C10orf67: variants seen among roughly 807,000 people sequenced by gnomAD.
The protein encoded by C10orf67 is uncharacterized protein C10orf67, mitochondrial.
C10orf67 carries 60 observed loss-of-function variants against 35.6 expected under a neutral mutation model. The ratio of observed to expected loss-of-function variants is 1.68; its 90% CI spans 1.37 to 2.09. The LOEUF (loss-of-function observed/expected upper bound fraction) is 2.09. Among genes scored for constraint, C10orf67 ranks in the 30% most tolerant of loss-of-function variants. C10orf67 has a pLI of 0.00. For synonymous variants in C10orf67, 167 were observed against 115.8 expected, an observed-to-expected ratio of 1.44 and a Z score of -2.84; for missense variants, 474 against 330.2, an observed-to-expected ratio of 1.44 and a Z score of -3.38.
intron 7 of C10orf67, among the ~76,000 whole-genome samples, chr10:23,288,928 T>A (rs746833408): frequency 6.6e-6 from 1 of 152,186 alleles, no homozygotes; most frequent in Non-Finnish European, 1.5e-5. Context: ...GCCTCAGGCA[T>A]CGTGCTCCCC....
chr10:23,314,439 T>C (rs898072163), intron 4 of C10orf67, among the ~76,000 whole-genome samples: 2 of 149,678 alleles, frequency 1.3e-5, no homozygotes, highest in Non-Finnish European at 3.0e-5. Flanking sequence ...CTGGGCAACA[T>C]AGTGAGACTC....
At chr10:23,322,238 GAC>G (rs1162722036) in intron 3 of C10orf67, among the ~76,000 whole-genome samples, 154 bp downstream of exon 3, 5 of 142,006 alleles carry the variant, frequency 3.5e-5, no homozygotes, top group African/African-American at 1.4e-4. Context: ...ACAAGTCCCT[GAC>G]ACATAGTGAA....
chr10:23,330,876 C>T (rs1343798960), intron 2 of C10orf67, among the ~76,000 whole-genome samples: 1 of 152,000 alleles, frequency 6.6e-6, no homozygotes, highest in African/African-American at 2.4e-5. Context: ...TATATTGTTT[C>T]AACCTCACGG....
At chr10:23,338,799 A>G (rs563585439) in intron 1 of C10orf67, among the ~76,000 whole-genome samples, 1 of 152,188 alleles carries the variant, frequency 6.6e-6, no homozygotes, top group Non-Finnish European at 1.5e-5. Flanking sequence ...ACTTGAGCCC[A>G]GGAGTTCAGG....
At chr10:23,342,732 G>A (rs904914650) in intron 1 of C10orf67, among the ~76,000 whole-genome samples, 1 of 152,184 alleles carries the variant, frequency 6.6e-6, no homozygotes, top group East Asian at 1.9e-4. Flanking sequence ...ACCAGGTCCC[G>A]TGCACCCTGA....
chr10:23,322,019 T>A (rs776876213), intron 3 of C10orf67, among the ~76,000 whole-genome samples: 10 of 152,128 alleles, frequency 6.6e-5, no homozygotes, highest in Admixed American at 3.3e-4. Context: ...AACTCCCAGC[T>A]TCAAGCCAGC....
At chr10:23,239,865 TA>T in intron 12 of C10orf67, 49 bp from the exon 13 acceptor site, 1 of 565,372 alleles carries the variant, frequency 1.8e-6, no homozygotes, top group South Asian at 2.5e-5. Flanking sequence ...AATCATAGCA[TA>T]AAGCAAATAA....
At chr10:23,241,723 G>C (rs527466536) in intron 12 of C10orf67, among the ~76,000 whole-genome samples, 1 of 152,130 alleles carries the variant, frequency 6.6e-6, no homozygotes, top group South Asian at 2.1e-4. Context: ...GAATGAAGCA[G>C]AAATAATACA....
At chr10:23,272,208 T>G (rs925491852) in intron 8 of C10orf67, among the ~76,000 whole-genome samples, 8 of 152,236 alleles carry the variant, frequency 5.3e-5, no homozygotes. Flanking sequence ...TGAGCCACCA[T>G]GCCTGGCTAA....
At chr10:23,338,884 T>C (rs1037111779) in intron 1 of C10orf67, among the ~76,000 whole-genome samples, 1 of 152,166 alleles carries the variant, frequency 6.6e-6, no homozygotes, top group Non-Finnish European at 1.5e-5. Context: ...TAGCTGGGCA[T>C]GGTGGCACAC....
chr10:23,209,619 A>C (rs1841253256), intron 15 of C10orf67, among the ~76,000 whole-genome samples: 1 of 152,192 alleles, frequency 6.6e-6, no homozygotes, highest in African/African-American at 2.4e-5. Context: ...AATGATAAAT[A>C]TGCCAGTTAG....
chr10:23,265,034 G>A (rs1221265216), intron 10 of C10orf67, among the ~76,000 whole-genome samples: 2 of 152,222 alleles, frequency 1.3e-5, no homozygotes, highest in African/African-American at 2.4e-5. Flanking sequence ...CGTAGTCACT[G>A]GTCATTTCTA....
At chr10:23,224,134 G>A (rs1376435002) in intron 13 of C10orf67, among the ~76,000 whole-genome samples, 2 of 152,160 alleles carry the variant, frequency 1.3e-5, no homozygotes, top group Non-Finnish European at 2.9e-5. Flanking sequence ...AATTAGCCAG[G>A]GGCAGACTGA....
At chr10:23,270,544 G>A (rs554582129) in intron 8 of C10orf67, among the ~76,000 whole-genome samples, 20 of 152,316 alleles carry the variant, frequency 1.3e-4, no homozygotes, top group Admixed American at 2.6e-4. Flanking sequence ...TACCTTCCCC[G>A]GGGAAGGGGA....
At chr10:23,279,857 T>C (rs1372537937) in intron 8 of C10orf67, among the ~76,000 whole-genome samples, 1 of 151,866 alleles carries the variant, frequency 6.6e-6, no homozygotes. Context: ...AATATTTATC[T>C]ATTTTTTTAA....
chr10:23,342,253 TACTC>T (rs1482952072), intron 1 of C10orf67, among the ~76,000 whole-genome samples: 4 of 143,394 alleles, frequency 2.8e-5, no homozygotes, highest in East Asian at 5.5e-4. Flanking sequence ...CTCACACACT[TACTC>T]ACTTTCCTCT....
At chr10:23,335,528 C>T (rs1287428057) in intron 1 of C10orf67, among the ~76,000 whole-genome samples, 2 of 152,106 alleles carry the variant, frequency 1.3e-5, no homozygotes, top group African/African-American at 4.8e-5. Context: ...AAATGTTACT[C>T]ATTATTAGTA....
intron 8 of C10orf67, among the ~76,000 whole-genome samples, chr10:23,278,454 A>C (rs927039088): frequency 7.2e-5 from 11 of 152,152 alleles, no homozygotes; most frequent in African/African-American, 2.4e-4. Flanking sequence ...CCCTTCCATC[A>C]TTTACTCATA....
intron 13 of C10orf67, among the ~76,000 whole-genome samples, chr10:23,236,872 G>A (rs929194141): frequency 5.9e-5 from 9 of 152,122 alleles, no homozygotes; most frequent in Admixed American, 2.6e-4. Context: ...GCAAGACTCC[G>A]TCTCAAAACA....
Sources: gnomAD v4.1 joint callset for allele counts (sites outside exome capture counted in the v4.1 genomes callset) on GRCh38, gnomAD v4.1.1 for gene constraint, MANE v1.5 for transcripts, NCBI Gene and HGNC (gene_info 2026-07-23, HGNC 2026-07-21) for gene names.